The following TRAF3 variants were observed in gnomAD, a reference collection of about 807,000 sequenced individuals.
TRAF3 encodes TNF receptor associated factor 3.
In TRAF3, 13 loss-of-function variants were observed where a neutral mutation model predicts 62.3. That is an observed-to-expected ratio of 0.21 (90% CI 0.14 to 0.33). The LOEUF (loss-of-function observed/expected upper bound fraction) is 0.33, where lower values mean the gene tolerates loss of function less well. Ranked by LOEUF, TRAF3 falls within the 10% of genes least tolerant of loss-of-function variation. The probability of loss-of-function intolerance (pLI) is 1.00; values close to 1 mark genes in which losing one functional copy is unlikely to be tolerated. For synonymous variants in TRAF3, 269 were observed against 283.4 expected (o/e 0.95, Z 0.51); for missense variants, 440 against 741.8 (o/e 0.59, Z 4.73).
rs180709957 is a variant in TRAF3 at position 102,876,872 on chromosome 14, A to G, written c.570+347A>G. 7.0e-3 allele frequency among the ~76,000 whole-genome samples: 539 copies of G among 76,756 alleles called. 4 individuals carry two copies. Among genetic ancestry groups the G allele is most frequent in the African/African-American group, 0.028 (530 of 19,084 alleles). The allele number at this position is 76,756 out of a possible 152,430, so 50.4% of individuals were successfully genotyped here. ...GTTCATAGATAATCCGTTCCACAGG[A>G]CTTCTGCTCAGTTCGTAGATAATCC... On this transcript the variant is annotated intron_variant, in intron 6 of 11. Coordinates refer to ENST00000392745, the MANE Select transcript of TRAF3 (RefSeq NM_145725.3).
chr14:102,873,155 G>C (rs376227662), intron 4 of TRAF3, among the ~76,000 whole-genome samples: 7 of 152,304 alleles, frequency 4.6e-5, no homozygotes, highest in East Asian at 3.9e-4. Context: ...TTGTTGGTCA[G>C]AGCAGCCCAG....
In TRAF3 at chr14:102,797,739, C is replaced by CTT. The variant is rs35788620; in HGVS notation, c.-157+20077_-157+20078dup. ...AAGGCACTTGTATTTCTTTTTCTTT[C>CTT]TTTTTTTTTTTTTTGAGATGTAGTT... is the stretch of plus-strand genomic sequence containing the variant. On this transcript the variant is annotated intron_variant, in intron 1 of 11. Transcript: ENST00000392745. Among the ~76,000 whole-genome samples, 727 of 142,252 alleles carry CTT rather than the reference C, an allele frequency of 5.1e-3. 6 individuals are homozygous for CTT. Among genetic ancestry groups the CTT allele is most frequent in the Admixed American group, 9.9e-3 (141 of 14,232 alleles). The allele number at this position is 142,252 out of a possible 152,430, so 93.3% of individuals were successfully genotyped here.
At chr14:102,808,039 G>T (rs1426117117) in intron 1 of TRAF3, among the ~76,000 whole-genome samples, 1 of 152,152 alleles carries the variant, frequency 6.6e-6, no homozygotes, top group Admixed American at 6.6e-5. Context: ...AGAGGTGAAG[G>T]AATGCATGGA....
chr14:102,824,526 G>A (rs1247226516), intron 1 of TRAF3, among the ~76,000 whole-genome samples: 7 of 152,216 alleles, frequency 4.6e-5, no homozygotes, highest in African/African-American at 1.7e-4. Flanking sequence ...CCCTTCAGGC[G>A]GAATGCCGAT....
At chr14:102,880,125 A>G (rs879319656) in intron 6 of TRAF3, among the ~76,000 whole-genome samples, 1 of 152,164 alleles carries the variant, frequency 6.6e-6, no homozygotes, top group Non-Finnish European at 1.5e-5. Context: ...CAAAAAAAAG[A>G]ACTTTTAAGA....
At chr14:102,900,398 G>A (rs1394749573) in intron 10 of TRAF3, among the ~76,000 whole-genome samples, 1 of 152,230 alleles carries the variant, frequency 6.6e-6, no homozygotes, top group Non-Finnish European at 1.5e-5. Context: ...CTACTCGGGA[G>A]GCTGAGGCAG....
chr14:102,820,140 C>T (rs956439141), intron 1 of TRAF3, among the ~76,000 whole-genome samples: 1 of 152,184 alleles, frequency 6.6e-6, no homozygotes, highest in African/African-American at 2.4e-5. Flanking sequence ...TGCGAGCGTC[C>T]TCTACAGGTG....
rs966184066 is a variant in TRAF3 at position 102,871,448 on chromosome 14, G to A, written c.246-469G>A. ...GGAGGGGCTGGAGCCCCCATATATG[G>A]TGGGCCACAGGGGAGGGAGGCTGGT... On this transcript the variant is annotated intron_variant, in intron 3 of 11. Transcript: ENST00000392745. 2.0e-5 allele frequency among the ~76,000 whole-genome samples: 3 copies of A among 152,186 alleles called. No homozygotes were observed. In the East Asian group the frequency reaches 5.8e-4, roughly 29 times the overall value.
chr14:102,799,587 ACTACAGGC>A (rs1898275987), intron 1 of TRAF3, among the ~76,000 whole-genome samples: 2 of 152,082 alleles, frequency 1.3e-5, no homozygotes, highest in Admixed American at 6.6e-5. Context: ...TGTAGCTGGG[ACTACAGGC>A]ACATGCCACC....
chr14:102,890,848 C>G (rs1889669348), intron 8 of TRAF3, among the ~76,000 whole-genome samples: 1 of 152,158 alleles, frequency 6.6e-6, no homozygotes, highest in South Asian at 2.1e-4. Flanking sequence ...TACATTAATA[C>G]TTTAGTAAAT....
chr14:102,819,977 A>G (rs1899791774), intron 1 of TRAF3, among the ~76,000 whole-genome samples: 1 of 152,194 alleles, frequency 6.6e-6, no homozygotes, highest in Non-Finnish European at 1.5e-5. Flanking sequence ...CTTGTCACGC[A>G]TTATGCAGCG....
At position 102,851,937 on chromosome 14, in the gene TRAF3, C is replaced by T. The variant is rs544425223; in HGVS notation, c.-17-18248C>T. 5.7e-3 allele frequency among the ~76,000 whole-genome samples: 867 copies of T among 151,496 alleles called. 9 individuals carry two copies. The highest frequency in any genetic ancestry group is 9.8e-3 in the Admixed American group (149 of 15,210). ...GGGTGTGGTGGTGCATGCCTGTAGT[C>T]CCAGCTGGTTGGGAGGCTGAGGCAG... On this transcript the variant is annotated intron_variant, in intron 2 of 11. Coordinates refer to ENST00000392745, the MANE Select transcript of TRAF3 (RefSeq NM_145725.3).
At chr14:102,796,613 A>T (rs1425229280) in intron 1 of TRAF3, among the ~76,000 whole-genome samples, 3 of 152,168 alleles carry the variant, frequency 2.0e-5, no homozygotes, top group Non-Finnish European at 2.9e-5. Flanking sequence ...GATTGTTGTC[A>T]GGTTGTGAGA....
At chr14:102,796,711 A>G (rs1458378908) in intron 1 of TRAF3, among the ~76,000 whole-genome samples, 2 of 152,234 alleles carry the variant, frequency 1.3e-5, no homozygotes, top group Admixed American at 1.3e-4. Flanking sequence ...ATGGAATTGC[A>G]GAGGCCTGAG....
At chr14:102,838,055 CATA>C (rs1886134383) in intron 2 of TRAF3, among the ~76,000 whole-genome samples, 1 of 152,190 alleles carries the variant, frequency 6.6e-6, no homozygotes. Flanking sequence ...TGATAACAGA[CATA>C]GTAGTTAAGA....
chr14:102,790,724 T>G (rs1365648276), intron 1 of TRAF3, among the ~76,000 whole-genome samples: 3 of 152,160 alleles, frequency 2.0e-5, no homozygotes, highest in African/African-American at 7.2e-5. Context: ...GAGATTTGGA[T>G]GGGGACACAG....
chr14:102,877,489 C>T (rs564554046), intron 6 of TRAF3, among the ~76,000 whole-genome samples: 1 of 148,630 alleles, frequency 6.7e-6, no homozygotes, highest in South Asian at 2.1e-4. Flanking sequence ...GCCTTCCGCT[C>T]AACTCATAGA....
At chr14:102,858,690 C>T (rs1384936180) in intron 2 of TRAF3, among the ~76,000 whole-genome samples, 1 of 152,088 alleles carries the variant, frequency 6.6e-6, no homozygotes, top group Non-Finnish European at 1.5e-5. Flanking sequence ...TTATTAGTAA[C>T]ATATGCTAAG....
intron 1 of TRAF3, among the ~76,000 whole-genome samples, chr14:102,803,799 C>T (rs1274857262): frequency 6.6e-6 from 1 of 152,148 alleles, no homozygotes; most frequent in Non-Finnish European, 1.5e-5. Context: ...TTTCTCTCAG[C>T]CCATCTGTCC....
Sources: allele counts gnomAD v4.1 joint callset (sites outside exome capture counted in the v4.1 genomes callset), GRCh38; gene constraint gnomAD v4.1.1; transcripts MANE v1.5; gene names NCBI Gene and HGNC (gene_info 2026-07-23, HGNC 2026-07-21).